LNPK: variants seen among roughly 807,000 people sequenced by gnomAD.
LNPK encodes the protein endoplasmic reticulum junction formation protein lunapark.
In LNPK, 29 loss-of-function variants were observed where a neutral mutation model predicts 55.2. The observed-to-expected ratio is 0.53, with a 90% CI of 0.39 to 0.72. The LOEUF (loss-of-function observed/expected upper bound fraction) is 0.72. Among genes scored for constraint, LNPK ranks in the 30% least tolerant of loss-of-function variants. The pLI is 0.00. For synonymous variants in LNPK, 162 were observed against 168.2 expected (o/e 0.96, Z 0.29); for missense variants, 467 against 494.8 (o/e 0.94, Z 0.53).
At chr2:175,970,881 A>G (rs901126035) in intron 5 of LNPK, 77 bp from the exon 6 acceptor site, 24 of 1,198,308 alleles carry the variant, frequency 2.0e-5, no homozygotes, top group Non-Finnish European at 2.1e-5. Flanking sequence ...ACACGGTAGC[A>G]AACACAAGAA....
chr2:175,986,834 C>T lies in LNPK; in HGVS notation c.257+5397G>A, dbSNP rs558894351. Among the ~76,000 whole-genome samples, 11 of 151,696 alleles carry T rather than the reference C, an allele frequency of 7.3e-5. No homozygotes were observed. The South Asian group carries it at 2.1e-3, about 29-fold the overall frequency. Reference sequence around the variant, plus strand: ...TCAATCCAAAAGTCAGAATAATGCCCAATGGTGAAACATTAGAAGAATTCC... The same window carrying T: ...TCAATCCAAAAGTCAGAATAATGCCTAATGGTGAAACATTAGAAGAATTCC... On this transcript the variant is annotated intron_variant, in intron 4 of 12. Coordinates refer to ENST00000272748, the MANE Select transcript of LNPK (RefSeq NM_030650.3).
chr2:175,968,132 C>G (rs542966159), intron 6 of LNPK, among the ~76,000 whole-genome samples: 6 of 152,218 alleles, frequency 3.9e-5, no homozygotes, highest in Admixed American at 3.3e-4. Context: ...TGTACTGTTC[C>G]CAGAAACGTC....
At chr2:175,987,611 C>T (rs534614559) in intron 4 of LNPK, among the ~76,000 whole-genome samples, 2 of 151,510 alleles carry the variant, frequency 1.3e-5, no homozygotes, top group African/African-American at 4.8e-5. Context: ...CAACATGGCA[C>T]GTGTAAACAT....
chr2:175,987,531 G>C (rs1445417830), intron 4 of LNPK, among the ~76,000 whole-genome samples: 1 of 152,132 alleles, frequency 6.6e-6, no homozygotes, highest in African/African-American at 2.4e-5. Context: ...TGTGGGGTGG[G>C]GGGAGCAGGG....
Position 175,925,328 on chromosome 2 carries a change from C to T in LNPK, c.*4639G>A, listed in dbSNP as rs985732929. Reference sequence around the variant, plus strand: ...TTCCAAACTTGGGTTCCAAGTGGAACGATTCCAATTCAATTAAACAGCTAT... The same window carrying T: ...TTCCAAACTTGGGTTCCAAGTGGAATGATTCCAATTCAATTAAACAGCTAT... On this transcript the variant is annotated 3_prime_UTR_variant, in exon 13 of 13. Coordinates refer to ENST00000272748, the MANE Select transcript of LNPK (RefSeq NM_030650.3). The T allele has an allele frequency of 5.3e-5, 8 of 152,114 alleles. No homozygotes were observed. Among genetic ancestry groups the T allele is most frequent in the Admixed American group, 3.9e-4 (6 of 15,268 alleles). 9.4% of individuals were successfully genotyped at this position (152,114 alleles called of 1,614,324 possible).
chr2:175,955,086 G>C lies in LNPK; in HGVS notation c.494-7394C>G, dbSNP rs6706241. On this transcript the variant is annotated intron_variant, in intron 8 of 12. Transcript: ENST00000272748. ...GAGATAAACAATGAAAACTGGATTG[G>C]GATAGAAATGCCTTTGTTATCTATA... Among the ~76,000 whole-genome samples the C allele has an allele frequency of 5.5e-3, 830 of 152,232 alleles. 6 individuals carry two copies. The highest frequency in any genetic ancestry group is 0.019 in the African/African-American group (793 of 41,536).
rs1258850483 is a variant in LNPK at position 175,964,716 on chromosome 2, GAAT to G, written c.358-130_358-128del. ...ATAGAATGAAAGACTTCCTACATTCGAATAATTAAAATCCAGATTTTAAAATGG... is the reference window on the plus strand; with the variant it reads ...ATAGAATGAAAGACTTCCTACATTCGAATTAAAATCCAGATTTTAAAATGG... On this transcript the variant is annotated intron_variant, in intron 6 of 12. Transcript: ENST00000272748. 20 of 619,586 alleles carry G rather than the reference GAAT, an allele frequency of 3.2e-5. No individual in the cohort carries two copies. In the Admixed American group the frequency reaches 5.8e-4, roughly 18 times the overall value. 38.4% of individuals were successfully genotyped at this position (619,586 alleles called of 1,614,324 possible).
intron 4 of LNPK, among the ~76,000 whole-genome samples, chr2:175,989,815 C>T (rs1687610073): frequency 6.6e-6 from 1 of 152,050 alleles, no homozygotes; most frequent in South Asian, 2.1e-4. Context: ...TATTAAACTC[C>T]TCCATATTAC....
chr2:175,967,720 T>A (rs1360331858), intron 6 of LNPK: 3 of 973,914 alleles, frequency 3.1e-6, no homozygotes, highest in Non-Finnish European at 3.7e-6. Context: ...AATTCAGATG[T>A]TATATCATTT....
intron 6 of LNPK, among the ~76,000 whole-genome samples, chr2:175,968,325 C>G (rs994096640): frequency 1.3e-5 from 2 of 152,252 alleles, no homozygotes; most frequent in Admixed American, 1.3e-4. Flanking sequence ...CAGAAAAACA[C>G]AGATTTCCCA....
intron 8 of LNPK, among the ~76,000 whole-genome samples, chr2:175,955,847 G>A (rs1465950066): frequency 6.6e-6 from 1 of 152,126 alleles, no homozygotes; most frequent in Non-Finnish European, 1.5e-5. Context: ...AAAAATAACT[G>A]ATTTTGAATT....
At chr2:175,977,961 A>G (rs1428008083) in intron 5 of LNPK, among the ~76,000 whole-genome samples, 1 of 152,194 alleles carries the variant, frequency 6.6e-6, no homozygotes, top group Non-Finnish European at 1.5e-5. Flanking sequence ...AGCTCTAGAG[A>G]TGGCCAGAGT....
At chr2:175,944,841 CTA>C (rs1480151125) in intron 9 of LNPK, among the ~76,000 whole-genome samples, 1 of 152,044 alleles carries the variant, frequency 6.6e-6, no homozygotes, top group Non-Finnish European at 1.5e-5. Flanking sequence ...CTATTACCAT[CTA>C]TAAAAGGGCA....
At chr2:176,001,333 C>G (rs991335855) in intron 1 of LNPK, among the ~76,000 whole-genome samples, 16 of 152,140 alleles carry the variant, frequency 1.1e-4, no homozygotes, top group Middle Eastern at 3.4e-3. Flanking sequence ...CAGTAGACAC[C>G]GAGCAACACA....
chr2:175,992,541 T>C (rs1205182175), intron 3 of LNPK, 123 bp from the exon 4 acceptor site: 5 of 566,930 alleles, frequency 8.8e-6, no homozygotes, highest in Non-Finnish European at 1.5e-5. Flanking sequence ...CAGTAAAGCA[T>C]AATATTCTAA....
intron 12 of LNPK, among the ~76,000 whole-genome samples, chr2:175,932,439 C>A (rs1449341081): frequency 6.6e-6 from 1 of 152,090 alleles, no homozygotes; most frequent in Non-Finnish European, 1.5e-5. Context: ...ATGTGGAAGA[C>A]TACAAAATTG....
Position 175,964,494 on chromosome 2 carries a change from T to C in LNPK, c.441+12A>G. 6.3e-7 allele frequency: 1 copy of C among 1,589,406 alleles called. No homozygotes were observed. Among genetic ancestry groups the C allele is most frequent in the Non-Finnish European group, 8.6e-7 (1 of 1,157,546 alleles). On this transcript the variant is annotated intron_variant, in intron 7 of 12. Transcript: ENST00000272748. ...AATTTATAATAAAATAGTAGTGATA[T>C]CACAGTCTTACCTTTGCTTTCTTTG...
chr2:175,978,926 CAGAAG>C (rs1304854325), intron 5 of LNPK, among the ~76,000 whole-genome samples: 1 of 151,854 alleles, frequency 6.6e-6, no homozygotes, highest in Non-Finnish European at 1.5e-5. Flanking sequence ...CTAATGTGAG[CAGAAG>C]AGAAGAGAGG....
At chr2:175,971,921 T>C (rs1382488521) in intron 5 of LNPK, among the ~76,000 whole-genome samples, 1 of 152,164 alleles carries the variant, frequency 6.6e-6, no homozygotes, top group African/African-American at 2.4e-5. Context: ...ATCAAGTCTG[T>C]ATTTTTTTGT....
Sources: gnomAD v4.1 joint callset for allele counts (sites outside exome capture counted in the v4.1 genomes callset) on GRCh38, gnomAD v4.1.1 for gene constraint, MANE v1.5 for transcripts, NCBI Gene and HGNC (gene_info 2026-07-23, HGNC 2026-07-21) for gene names.